Variants in TIAM1 observed in about 807,000 individuals in gnomAD.
The protein encoded by TIAM1 is rho guanine nucleotide exchange factor TIAM1.
In TIAM1, 65 loss-of-function variants were observed where a neutral mutation model predicts 163.5. The observed-to-expected ratio is 0.40, with a 90% CI of 0.33 to 0.49. TIAM1 has a LOEUF of 0.49. Ranked by LOEUF, TIAM1 falls within the 20% of genes least tolerant of loss-of-function variation. The probability of loss-of-function intolerance (pLI) is 0.77; values close to 1 mark genes in which losing one functional copy is unlikely to be tolerated. For synonymous variants in TIAM1, 833 were observed against 810.1 expected (o/e 1.03, Z -0.48); for missense variants, 1,789 against 2,044.7 (o/e 0.87, Z 2.41).
chr21:31,517,686 A>G (rs1476564854), intron 1 of TIAM1, among the ~76,000 whole-genome samples: 2 of 152,204 alleles, frequency 1.3e-5, no homozygotes, highest in African/African-American at 4.8e-5. Flanking sequence ...AATTAAAGAC[A>G]CTTAAACAAC....
intron 2 of TIAM1, among the ~76,000 whole-genome samples, chr21:31,296,470 C>T (rs989662118): frequency 6.6e-6 from 1 of 152,100 alleles, no homozygotes; most frequent in African/African-American, 2.4e-5. Flanking sequence ...GCAGAAATGA[C>T]AAAATACATA....
At chr21:31,394,419 G>A (rs2077017181) in intron 2 of TIAM1, among the ~76,000 whole-genome samples, 1 of 152,214 alleles carries the variant, frequency 6.6e-6, no homozygotes, top group African/African-American at 2.4e-5. Flanking sequence ...GGGATACTAT[G>A]TGGTGAACAC....
chr21:31,230,684 C>A (rs974476453), intron 6 of TIAM1, among the ~76,000 whole-genome samples: 4 of 152,138 alleles, frequency 2.6e-5, no homozygotes, highest in African/African-American at 9.7e-5. Flanking sequence ...TACTAGGGAG[C>A]CACACACCCA....
intron 1 of TIAM1, among the ~76,000 whole-genome samples, chr21:31,516,861 C>A (rs2047399096): frequency 6.6e-6 from 1 of 151,502 alleles, no homozygotes; most frequent in Admixed American, 6.6e-5. Flanking sequence ...ACCAGCCTGA[C>A]CAATATGGTG....
chr21:31,533,176 C>G (rs1033918756), intron 1 of TIAM1, among the ~76,000 whole-genome samples: 1 of 152,110 alleles, frequency 6.6e-6, no homozygotes, highest in Non-Finnish European at 1.5e-5. Flanking sequence ...CAAAAATTAG[C>G]CAGGCATGGT....
At chr21:31,308,567 A>C (rs1417392453) in intron 2 of TIAM1, among the ~76,000 whole-genome samples, 1 of 152,136 alleles carries the variant, frequency 6.6e-6, no homozygotes, top group Non-Finnish European at 1.5e-5. Flanking sequence ...TGTTTACTAT[A>C]GTATACTCTA....
chr21:31,341,762 A>C (rs1345748907), intron 1 of TIAM1, among the ~76,000 whole-genome samples: 1 of 152,204 alleles, frequency 6.6e-6, no homozygotes, highest in Non-Finnish European at 1.5e-5. Context: ...GCAGCTAACG[A>C]ACTCAGTTGC....
At chr21:31,277,255 G>C (rs567400563) in intron 2 of TIAM1, among the ~76,000 whole-genome samples, 1 of 152,318 alleles carries the variant, frequency 6.6e-6, no homozygotes. Context: ...CGTGACAAGA[G>C]TGACCTCTGG....
At chr21:31,521,463 A>G (rs1033617442) in intron 1 of TIAM1, among the ~76,000 whole-genome samples, 2 of 152,158 alleles carry the variant, frequency 1.3e-5, no homozygotes, top group African/African-American at 2.4e-5. Context: ...TAAAAAGTTA[A>G]AAGAGTGCAC....
chr21:31,129,687 G>A (rs959841409), intron 25 of TIAM1, among the ~76,000 whole-genome samples: 28 of 152,008 alleles, frequency 1.8e-4, no homozygotes, highest in African/African-American at 6.5e-4. Context: ...TAAAATCAAT[G>A]TAAAAAAGAA....
intron 2 of TIAM1, among the ~76,000 whole-genome samples, chr21:31,372,107 T>A (rs1438382144): frequency 6.6e-6 from 1 of 152,218 alleles, no homozygotes; most frequent in Non-Finnish European, 1.5e-5. Context: ...CGCGGAAGGC[T>A]CATTTTCCTC....
chr21:31,199,009 T>C (rs1217734436), intron 12 of TIAM1, among the ~76,000 whole-genome samples: 1 of 152,260 alleles, frequency 6.6e-6, no homozygotes, highest in Non-Finnish European at 1.5e-5. Flanking sequence ...TCAGTAGTTT[T>C]ATACATAAAT....
Position 31,228,488 on chromosome 21 carries a change from A to G in TIAM1, c.1585-2538T>C, listed in dbSNP as rs529283685. On this transcript the variant is annotated intron_variant, in intron 6 of 27. Coordinates refer to ENST00000541036, the MANE Select transcript of TIAM1 (RefSeq NM_001353694.2). Reference sequence around the variant, plus strand: ...AATGCACTCATATGCACACGAAAATATACACACAAGAACATGCCCAGCAGC... The same window carrying G: ...AATGCACTCATATGCACACGAAAATGTACACACAAGAACATGCCCAGCAGC... Among the ~76,000 whole-genome samples the G allele has an allele frequency of 8.6e-4, 131 of 152,250 alleles. 6 individuals carry two copies. The South Asian group carries it at 0.027, about 31-fold the overall frequency.
intron 1 of TIAM1, among the ~76,000 whole-genome samples, chr21:31,550,949 G>A (rs1400182928): frequency 1.3e-5 from 2 of 152,038 alleles, no homozygotes; most frequent in Non-Finnish European, 2.9e-5. Context: ...AGTGGCTCAC[G>A]CCTGTAATCC....
intron 2 of TIAM1, among the ~76,000 whole-genome samples, chr21:31,436,014 G>C (rs867607037): frequency 6.6e-6 from 1 of 152,132 alleles, no homozygotes; most frequent in Non-Finnish European, 1.5e-5. Flanking sequence ...GTGGTATTTT[G>C]TTATAGCAGC....
intron 2 of TIAM1, among the ~76,000 whole-genome samples, chr21:31,327,113 G>A (rs2075514082): frequency 6.6e-6 from 1 of 152,192 alleles, no homozygotes; most frequent in Non-Finnish European, 1.5e-5. Context: ...GCCAAAAAGG[G>A]AAGTGATCAA....
chr21:31,537,442 CAA>C (rs10578615), intron 1 of TIAM1, among the ~76,000 whole-genome samples: 16,795 of 132,442 alleles, frequency 0.13, 1,783 homozygotes, highest in East Asian at 0.63. Context: ...CAAGAAATCG[CAA>C]AAAAAAAAAA....
intron 1 of TIAM1, among the ~76,000 whole-genome samples, chr21:31,343,761 T>C (rs903248196): frequency 1.9e-4 from 29 of 152,254 alleles, no homozygotes; most frequent in African/African-American, 6.5e-4. Context: ...GCAGGACGCA[T>C]CCTGGGTGGG....
intron 10 of TIAM1, among the ~76,000 whole-genome samples, chr21:31,210,743 G>GGAGAAAGAAAGAAAGAAAGA: frequency 1.4e-5 from 1 of 69,486 alleles, no homozygotes; most frequent in East Asian, 5.2e-4. Flanking sequence ...AAGAAGGAAG[G>GGAGAAAGAAAGAAAGAAAGA]AAGGGAGAAA....
Sources: allele counts gnomAD v4.1 joint callset (sites outside exome capture counted in the v4.1 genomes callset), GRCh38; gene constraint gnomAD v4.1.1; transcripts MANE v1.5; gene names NCBI Gene and HGNC (gene_info 2026-07-23, HGNC 2026-07-21).